VWA2: variants seen among roughly 807,000 people sequenced by gnomAD.
The protein encoded by VWA2 is von Willebrand factor A domain containing 2.
VWA2 carries 73 observed loss-of-function variants against 70.4 expected under a neutral mutation model. That is an observed-to-expected ratio of 1.04 (90% confidence interval 0.86 to 1.26). VWA2 has a LOEUF of 1.26. VWA2 is among the 50% of genes most tolerant of loss of function. The pLI, the probability that VWA2 is intolerant of heterozygous loss-of-function variation, is 0.00. For missense variants in VWA2, 1,011 were observed against 998.5 expected (o/e 1.01, Z -0.17); for synonymous variants, 407 against 423.3 (o/e 0.96, Z 0.47).
At chr10:114,261,390 G>A (rs1386409612) in intron 5 of VWA2, 95 bp downstream of exon 5, 2 of 964,322 alleles carry the variant, frequency 2.1e-6, no homozygotes, top group African/African-American at 1.6e-5. Flanking sequence ...GGCTCACAGA[G>A]AGGACTGTGG....
rs1035198809 is a variant in VWA2, at chr10:114,292,060, C to T, written c.*823C>T. ...TGGAGGCTGAGGCAGGTGGATCACC[C>T]GAGGTCAGGAGTTTGAGACCAGCCT... On this transcript the variant is annotated 3_prime_UTR_variant, in exon 14 of 14. Coordinates refer to ENST00000392982, the MANE Select transcript of VWA2 (RefSeq NM_001272046.2). Among the ~76,000 whole-genome samples the T allele has an allele frequency of 1.3e-5, 2 of 151,984 alleles. No individual in the cohort carries two copies. The highest frequency in any genetic ancestry group is 2.9e-5 in the Non-Finnish European group (2 of 67,994).
chr10:114,286,199 A>C lies in VWA2; in HGVS notation c.1258A>C (p.Thr420Pro). 1 of 1,613,918 alleles carries C rather than the reference A, an allele frequency of 6.2e-7. No homozygotes were observed. Among genetic ancestry groups the C allele is most frequent in the Non-Finnish European group, 8.5e-7 (1 of 1,179,986 alleles). Residue 420 changes from threonine (T) to proline (P), a missense_variant, in exon 11 of 14, where the codon ACC (threonine) becomes CCC (proline). Transcript: ENST00000392982. ...LDGIPFRGGP[T>P]LTGSALRQAA... ...TGGCATTCCCTTCCGTGGTGGCCCC[A>C]CCCTGACGGGCAGTGCCTTGCGGCA...
chr10:114,268,719 G>C (rs1187747028), intron 5 of VWA2, among the ~76,000 whole-genome samples: 1 of 149,606 alleles, frequency 6.7e-6, no homozygotes, highest in African/African-American at 2.5e-5. Flanking sequence ...TTTTGAGACG[G>C]AGTCTCGCTC....
At chr10:114,253,760 C>T (rs762904395) in intron 3 of VWA2, 35 bp downstream of exon 3, 1 of 1,579,144 alleles carries the variant, frequency 6.3e-7, no homozygotes, top group South Asian at 1.1e-5. Flanking sequence ...TCCAGATGCC[C>T]ACTCAGACCT....
At chr10:114,276,998 C>T (rs189070547) in intron 6 of VWA2, among the ~76,000 whole-genome samples, 6 of 152,054 alleles carry the variant, frequency 3.9e-5, no homozygotes, top group African/African-American at 1.4e-4. Flanking sequence ...AGGGCTCAGT[C>T]CTGGGTCCTG....
intron 4 of VWA2, among the ~76,000 whole-genome samples, chr10:114,260,621 G>T (rs904045267): frequency 6.6e-6 from 1 of 152,218 alleles, no homozygotes; most frequent in Non-Finnish European, 1.5e-5. Flanking sequence ...TGTGTGGGCT[G>T]CTGAGAAGGC....
At chr10:114,240,771 G>T (rs1198380281) in intron 1 of VWA2, among the ~76,000 whole-genome samples, 1 of 152,132 alleles carries the variant, frequency 6.6e-6, no homozygotes, top group Non-Finnish European at 1.5e-5. Context: ...GACTGATGGG[G>T]GTTCAGAGCT....
At chr10:114,243,716 G>A (rs1226499009) in intron 1 of VWA2, among the ~76,000 whole-genome samples, 2 of 152,184 alleles carry the variant, frequency 1.3e-5, no homozygotes, top group Non-Finnish European at 2.9e-5. Flanking sequence ...TGCCTTCAGC[G>A]ATCCCCAATC....
intron 8 of VWA2, chr10:114,281,719 C>T (rs912785829): frequency 2.0e-6 from 2 of 985,258 alleles, no homozygotes; most frequent in Non-Finnish European, 2.4e-6. Context: ...GGCTGGGGCA[C>T]TGCGGGAGGC....
chr10:114,289,544 G>A, intron 12 of VWA2, 55 bp downstream of exon 12: 2 of 1,593,646 alleles, frequency 1.3e-6, no homozygotes, highest in Non-Finnish European at 1.7e-6. Context: ...CCCTCAGCCT[G>A]AGCCTTCACA....
chr10:114,262,220 A>G (rs1195130194), intron 5 of VWA2, among the ~76,000 whole-genome samples: 5 of 151,912 alleles, frequency 3.3e-5, no homozygotes, highest in Non-Finnish European at 4.4e-5. Context: ...TACTTACATT[A>G]TAAGTTAGCT....
At chr10:114,253,875 C>A in intron 3 of VWA2, 150 bp downstream of exon 3, 1 of 735,070 alleles carries the variant, frequency 1.4e-6, no homozygotes, top group Non-Finnish European at 2.2e-6. Flanking sequence ...AAACAGGGAC[C>A]TGACCAAATC....
chr10:114,268,119 CTT>C, intron 5 of VWA2, among the ~76,000 whole-genome samples: 1 of 152,244 alleles, frequency 6.6e-6, no homozygotes, highest in Middle Eastern at 3.4e-3. Flanking sequence ...GGTCAAGTAA[CTT>C]TTCCAAGTTT....
chr10:114,278,196 C>T (rs1344129348), intron 7 of VWA2, 149 bp downstream of exon 7: 9 of 1,177,592 alleles, frequency 7.6e-6, no homozygotes, highest in South Asian at 3.2e-5. Flanking sequence ...GGATGCTCTG[C>T]GTCTCCCTGT....
In VWA2 at chr10:114,278,808, C is replaced by T. The variant is rs374215852; in HGVS notation, c.790C>T (p.Arg264Trp). The change falls in exon 8 of 14, where the codon CGG (arginine) becomes TGG (tryptophan). Residue 264 changes from arginine to tryptophan, a missense_variant. By Grantham distance (101) the Arg-to-Trp change is moderately radical. Coordinates refer to ENST00000392982, the MANE Select transcript of VWA2 (RefSeq NM_001272046.2). The stretch of plus-strand genomic sequence containing the variant: ...CAATGCCCCATGCTGGAGAGGATCG[C>T]GGCGGACCCTTGCGGTGCTGGCTGC... ...AGNAPCWRGSRRTLAVLAAHC... is the reference protein window; with the variant it reads ...AGNAPCWRGSWRTLAVLAAHC... The T allele has an allele frequency of 1.1e-5, 17 of 1,613,450 alleles. No homozygotes were observed. Among genetic ancestry groups the T allele is most frequent in the South Asian group, 3.3e-5 (3 of 91,064 alleles).
chr10:114,284,349 A>C (rs2038580352), intron 9 of VWA2, among the ~76,000 whole-genome samples: 1 of 151,926 alleles, frequency 6.6e-6, no homozygotes, highest in Non-Finnish European at 1.5e-5. Flanking sequence ...AGTTCCCATC[A>C]CTCCTTTTTA....
intron 2 of VWA2, among the ~76,000 whole-genome samples, chr10:114,250,053 C>G (rs1018857217): frequency 1.2e-4 from 18 of 152,312 alleles, no homozygotes; most frequent in Non-Finnish European, 2.1e-4. Context: ...CCTCCCCATC[C>G]TTAGGCCCCA....
Position 114,289,168 on chromosome 10 carries a change from G to T in VWA2, c.1801G>T (p.Ala601Ser). The change falls in exon 12 of 14, where the codon GCC becomes TCC. Residue 601 changes from alanine to serine, a missense_variant. Ala to Ser is a moderately conservative substitution (Grantham distance 99). Coordinates refer to ENST00000392982, the MANE Select transcript of VWA2 (RefSeq NM_001272046.2). ...RAAMLRAISQ[A>S]PYLGGVGSAG... ...TGCGATGCTGCGGGCCATTAGCCAG[G>T]CCCCCTACCTAGGTGGGGTGGGCTC... The T allele has an allele frequency of 1.2e-6, 2 of 1,613,714 alleles. No individual in the cohort carries two copies. The highest frequency in any genetic ancestry group is 2.2e-5 in the South Asian group (2 of 91,026).
intron 6 of VWA2, among the ~76,000 whole-genome samples, chr10:114,275,773 T>C (rs989128910): frequency 5.3e-5 from 8 of 151,502 alleles, no homozygotes; most frequent in African/African-American, 1.9e-4. Flanking sequence ...ACTAACAATA[T>C]AAAAATTAGC....
Sources: gnomAD v4.1 joint callset for allele counts (sites outside exome capture counted in the v4.1 genomes callset) on GRCh38, gnomAD v4.1.1 for gene constraint, MANE v1.5 for transcripts, NCBI Gene and HGNC (gene_info 2026-07-23, HGNC 2026-07-21) for gene names.